The following AP1B1 variants were observed in gnomAD, a reference collection of about 807,000 sequenced individuals.
AP1B1 encodes the protein AP-1 complex subunit beta-1.
A neutral mutation model predicts 104.3 loss-of-function variants in AP1B1; 36 were observed. The ratio of observed to expected loss-of-function variants is 0.35; its 90% CI spans 0.26 to 0.46. The LOEUF (loss-of-function observed/expected upper bound fraction) is 0.46, where lower values mean the gene tolerates loss of function less well. AP1B1 is among the 20% of genes least tolerant of loss of function. The probability of loss-of-function intolerance (pLI) is 1.00; values close to 1 mark genes in which losing one functional copy is unlikely to be tolerated. For missense variants in AP1B1, 901 were observed against 1,247.9 expected, an observed-to-expected ratio of 0.72 and a Z score of 4.19; for synonymous variants, 504 against 517.5, an observed-to-expected ratio of 0.97 and a Z score of 0.35.
chr22:29,341,845 C>T (rs761396863), intron 12 of AP1B1, 85 bp from the exon 13 acceptor site: 28 of 1,481,540 alleles, frequency 1.9e-5, no homozygotes, highest in Admixed American at 4.2e-5. Flanking sequence ...GAGCCAGGTG[C>T]GGCACAGGGG....
At chr22:29,344,593 C>G (rs1156808486) in intron 11 of AP1B1, among the ~76,000 whole-genome samples, 3 of 135,266 alleles carry the variant, frequency 2.2e-5, no homozygotes, top group East Asian at 4.8e-4. Flanking sequence ...GGGATGATCT[C>G]ATCTCACTGC....
At position 29,342,268 on chromosome 22, in the gene AP1B1, G is replaced by C. The variant is rs746046628; in HGVS notation, c.1536+17C>G. 1 of 1,604,480 alleles carries C rather than the reference G, an allele frequency of 6.2e-7. No individual in the cohort carries two copies. Among genetic ancestry groups the C allele is most frequent in the Admixed American group, 1.7e-5 (1 of 59,886 alleles). On this transcript the variant is annotated intron_variant, in intron 12 of 22. Transcript: ENST00000357586. ...TGAGGGCTATGCTGGGCACAGCGGG[G>C]AGGTTGGGGCACCCACCTGAGTGGC...
At position 29,330,437 on chromosome 22, in the gene AP1B1, T is replaced by G. The variant is rs1324758801; in HGVS notation, c.2707A>C (p.Thr903Pro). 1.2e-6 allele frequency: 2 copies of G among 1,613,886 alleles called. No homozygotes were observed. The highest frequency in any genetic ancestry group is 2.2e-5 in the South Asian group (2 of 91,092). The change falls in exon 21 of 23, where the codon ACC (threonine) becomes CCC (proline). Residue 903 changes from threonine to proline, a missense_variant. Coordinates refer to ENST00000357586, the MANE Select transcript of AP1B1 (RefSeq NM_001127.4). ...TCCGCCAGCACCCAGATGCCGTTGGTCAGCTTCAGGGACTGGTAGAGCATG... is the reference window on the plus strand; with the variant it reads ...TCCGCCAGCACCCAGATGCCGTTGGGCAGCTTCAGGGACTGGTAGAGCATG... ...QDMLYQSLKLTNGIWVLAELR... is the reference protein window; with the variant it reads ...QDMLYQSLKLPNGIWVLAELR...
intron 22 of AP1B1, chr22:29,329,136 C>G: frequency 7.5e-7 from 1 of 1,332,942 alleles, no homozygotes; most frequent in African/African-American, 1.5e-5. Context: ...CACCAGAGCC[C>G]TGCTGGCGAG....
chr22:29,366,464 C>T (rs944560807), intron 2 of AP1B1, among the ~76,000 whole-genome samples: 1 of 152,048 alleles, frequency 6.6e-6, no homozygotes, highest in African/African-American at 2.4e-5. Context: ...TGGAGAAACC[C>T]CGTCTCTACC....
Position 29,340,702 on chromosome 22 carries a change from A to G in AP1B1, c.1952T>C (p.Val651Ala), listed in dbSNP as rs1445906184. 2 of 1,585,458 alleles carry G rather than the reference A, an allele frequency of 1.3e-6. No individual in the cohort carries two copies. The highest frequency in any genetic ancestry group is 1.8e-5 in the Admixed American group (1 of 55,244). The change falls in exon 14 of 23, where the codon GTG becomes GCG. Residue 651 changes from valine (V) to alanine (A), a missense_variant. Physicochemically the swap from Val to Ala is moderately conservative, Grantham distance 64. This residue lies in a region of AP1B1 where 424 missense variants were observed against 494.0 expected (regional missense o/e 0.86). Transcript: ENST00000357586. The stretch of plus-strand genomic sequence containing the variant: ...AAGAAGGTCCACAGCTCCCATCTGC[A>G]CCGAGGAGGTGGCCAGGGGTGGGCC... ...VSGPPLATSSVQMGAVDLLGG... is the reference protein window; with the variant it reads ...VSGPPLATSSAQMGAVDLLGG...
At position 29,328,637 on chromosome 22, in the gene AP1B1, C is replaced by G; in HGVS notation, c.*184G>C. ...CCAGAGCACGGGAGTGCACTGCGCT[C>G]TCACCCCAGGAGGGGGTGGTGCCCT... is the stretch of plus-strand genomic sequence containing the variant. On this transcript the variant is annotated 3_prime_UTR_variant, in exon 23 of 23. Transcript: ENST00000357586. This position sits in a 1 kb window ranked among gnomAD's most constrained non-coding sequence, Gnocchi z 4.1. The G allele has an allele frequency of 1.5e-6, 1 of 687,876 alleles. No individual in the cohort carries two copies. Among genetic ancestry groups the G allele is most frequent in the South Asian group, 1.9e-5 (1 of 52,958 alleles). 42.6% of individuals were successfully genotyped at this position (687,876 alleles called of 1,614,324 possible).
chr22:29,351,060 A>G (rs916719834), intron 9 of AP1B1, 111 bp downstream of exon 9: 131 of 1,034,372 alleles, frequency 1.3e-4, no homozygotes, highest in African/African-American at 2.4e-4. Context: ...GATGAGCCTC[A>G]GGCCTTCCCA....
At chr22:29,365,613 C>G (rs1431947634) in intron 2 of AP1B1, among the ~76,000 whole-genome samples, 1 of 152,140 alleles carries the variant, frequency 6.6e-6, no homozygotes, top group Admixed American at 6.5e-5. Flanking sequence ...TGCTTTCTCT[C>G]TTTTTTCAAT....
rs1204121410 is a variant in AP1B1 at position 29,362,638 on chromosome 22, C to A, written c.143+363G>T. 2.6e-5 allele frequency among the ~76,000 whole-genome samples: 4 copies of A among 152,274 alleles called. No individual in the cohort carries two copies. In the East Asian group the frequency reaches 7.7e-4, roughly 29 times the overall value. On this transcript the variant is annotated intron_variant, in intron 3 of 22. Coordinates refer to ENST00000357586, the MANE Select transcript of AP1B1 (RefSeq NM_001127.4). The stretch of plus-strand genomic sequence containing the variant: ...AGGATTACAGGCGTGAGCCACCGCG[C>A]CTGGCCCAGATTTCCCATTCTTTTA...
intron 7 of AP1B1, among the ~76,000 whole-genome samples, chr22:29,354,381 T>C (rs556101512): frequency 3.9e-4 from 59 of 152,288 alleles, no homozygotes; most frequent in Non-Finnish European, 6.8e-4. Context: ...GGCTATTCTG[T>C]GCACTGTAGG....
chr22:29,330,154 T>C (rs982327817), intron 21 of AP1B1: 4 of 1,432,066 alleles, frequency 2.8e-6, no homozygotes, highest in South Asian at 1.5e-5. Flanking sequence ...TACACAATCT[T>C]CTAGTCCAAC....
At chr22:29,337,210 C>T (rs927678982) in intron 16 of AP1B1, among the ~76,000 whole-genome samples, 4 of 152,214 alleles carry the variant, frequency 2.6e-5, no homozygotes, top group African/African-American at 9.7e-5. Flanking sequence ...CACTTCCAGA[C>T]TCTGTCACCA....
rs549280222 is a variant in AP1B1 at position 29,342,588 on chromosome 22, C to T, written c.1438-205G>A. ...AGCAGCCAGACCTCGGCATCACTCA[C>T]TCAGGAAGGAGCTGAATACTGGACT... On this transcript the variant is annotated intron_variant, in intron 11 of 22. Coordinates refer to ENST00000357586, the MANE Select transcript of AP1B1 (RefSeq NM_001127.4). Among the ~76,000 whole-genome samples the T allele has an allele frequency of 4.9e-4, 74 of 152,362 alleles. 1 individual carries two copies. In the South Asian group the frequency reaches 0.015, roughly 31 times the overall value.
chr22:29,356,184 C>A (rs936532840), intron 6 of AP1B1, among the ~76,000 whole-genome samples: 5 of 152,254 alleles, frequency 3.3e-5, no homozygotes, highest in Admixed American at 6.5e-5. Flanking sequence ...GTGCCCTGGG[C>A]TTCTGCCAGC....
intron 5 of AP1B1, among the ~76,000 whole-genome samples, chr22:29,358,328 T>C (rs942873558): frequency 6.6e-6 from 1 of 152,090 alleles, no homozygotes; most frequent in Non-Finnish European, 1.5e-5. Flanking sequence ...ATGCAGCATA[T>C]TGGCTTGGTG....
chr22:29,339,348 A>C (rs1021896734), intron 15 of AP1B1, among the ~76,000 whole-genome samples: 3 of 152,254 alleles, frequency 2.0e-5, no homozygotes, highest in South Asian at 4.1e-4. Flanking sequence ...GAGCCTTAGG[A>C]GTAACCTCTG....
At chr22:29,353,203 G>A (rs1389155690) in intron 7 of AP1B1, among the ~76,000 whole-genome samples, 5 of 152,202 alleles carry the variant, frequency 3.3e-5, no homozygotes, top group Non-Finnish European at 7.3e-5. Flanking sequence ...CAGATGGTGA[G>A]GAAGGGAGAA....
At chr22:29,356,045 T>TG (rs2147994002) in intron 6 of AP1B1, among the ~76,000 whole-genome samples, 1 of 152,052 alleles carries the variant, frequency 6.6e-6, no homozygotes, top group South Asian at 2.1e-4. Context: ...ATCTGGAAAG[T>TG]GGGGGATGAT....
Sources: gnomAD v4.1 joint callset for allele counts (sites outside exome capture counted in the v4.1 genomes callset) on GRCh38, gnomAD v4.1.1 for gene constraint, gnomAD v4.1.1 regional missense constraint, Gnocchi (gnomAD v3.1) non-coding constraint, MANE v1.5 for transcripts, NCBI Gene and HGNC (gene_info 2026-07-23, HGNC 2026-07-21) for gene names.